The following DYNC2H1 variants were observed in gnomAD, a reference collection of about 807,000 sequenced individuals.
The protein encoded by DYNC2H1 is dynein cytoplasmic 2 heavy chain 1.
In DYNC2H1, 410 loss-of-function variants were observed where a neutral mutation model predicts 570.0. That is an observed-to-expected ratio of 0.72 (90% confidence interval 0.66 to 0.78). DYNC2H1 has a LOEUF of 0.78. DYNC2H1 is among the 30% of genes least tolerant of loss of function. DYNC2H1 has a pLI of 0.00. For synonymous variants in DYNC2H1, 1,688 were observed against 1,677.6 expected (o/e 1.01, Z -0.15); for missense variants, 4,865 against 5,046.4 (o/e 0.96, Z 1.09).
At chr11:103,173,992 T>A (rs1861686491) in intron 35 of DYNC2H1, 63 bp from the exon 36 acceptor site, 2 of 1,131,024 alleles carry the variant, frequency 1.8e-6, no homozygotes, top group Non-Finnish European at 2.6e-6. Flanking sequence ...TTTCTTTGGA[T>A]GTTATGATGA....
At chr11:103,304,803 C>A in intron 77 of DYNC2H1, 83 bp downstream of exon 77, 2 of 1,294,158 alleles carry the variant, frequency 1.5e-6, no homozygotes, top group Non-Finnish European at 2.0e-6. Context: ...AAATGTCATG[C>A]ATTATTTATG....
intron 85 of DYNC2H1, among the ~76,000 whole-genome samples, chr11:103,443,221 G>A (rs1329458138): frequency 6.6e-6 from 1 of 151,874 alleles, no homozygotes; most frequent in Non-Finnish European, 1.5e-5. Context: ...ATCAATCATA[G>A]CCTTCACCAC....
intron 54 of DYNC2H1, among the ~76,000 whole-genome samples, chr11:103,215,186 A>T (rs539827742): frequency 6.6e-6 from 1 of 152,040 alleles, no homozygotes; most frequent in Middle Eastern, 3.2e-3. Context: ...TTCTGGTACT[A>T]TGTTGAATAG....
At position 103,383,653 on chromosome 11, in the gene DYNC2H1, T is replaced by G. The variant is rs1038764605; in HGVS notation, c.12157-16010T>G. 1.8e-4 allele frequency among the ~76,000 whole-genome samples: 16 copies of G among 87,346 alleles called. No individual in the cohort carries two copies. In the East Asian group the frequency reaches 6.0e-3, roughly 33 times the overall value. The allele number at this position is 87,346 out of a possible 152,430, so 57.3% of individuals were successfully genotyped here. A position where few individuals can be genotyped will look rare whatever the true frequency, so the allele number is the denominator to read the frequency against. On this transcript the variant is annotated intron_variant, in intron 83 of 88. Coordinates refer to ENST00000375735, the MANE Select transcript of DYNC2H1 (RefSeq NM_001377.3). ...CACGCCCAGCTAATTTTTTTGTATT[T>G]TTAGTAGGGACGGGGTTTCACCATG...
Position 103,324,133 on chromosome 11 carries a change from A to G in DYNC2H1, c.12039+143A>G. On this transcript the variant is annotated intron_variant, in intron 82 of 88. Transcript: ENST00000375735. The surrounding 1 kb of genome is among the most constrained non-coding windows in gnomAD (Gnocchi z 5.2). ...ACAACACATTCCAGTTTTACTTTAA[A>G]TATATTTTTTAAAATATTTGATTTT... 1 of 421,002 alleles carries G rather than the reference A, an allele frequency of 2.4e-6. No individual in the cohort carries two copies. The allele number at this position is 421,002 out of a possible 1,614,324, so 26.1% of individuals were successfully genotyped here.
chr11:103,302,472 A>G (rs1867089955), intron 75 of DYNC2H1, among the ~76,000 whole-genome samples: 2 of 152,084 alleles, frequency 1.3e-5, no homozygotes, highest in African/African-American at 2.4e-5. Flanking sequence ...AATGATTTGC[A>G]TAGAGTCATT....
rs1178376324 is a variant in DYNC2H1 at position 103,190,740 on chromosome 11, C to T, written c.7438-777C>T. ...ATCAGAATAAGAGTAATGGCTCTGT[C>T]CATAGAGAGGAAGGGACAGGCATTT... On this transcript the variant is annotated intron_variant, in intron 45 of 88. Coordinates refer to ENST00000375735, the MANE Select transcript of DYNC2H1 (RefSeq NM_001377.3). 2.6e-5 allele frequency among the ~76,000 whole-genome samples: 4 copies of T among 151,828 alleles called. No homozygotes were observed. In the South Asian group the frequency reaches 8.3e-4, roughly 32 times the overall value.
At chr11:103,447,388 AC>A (rs1422176495) in intron 85 of DYNC2H1, among the ~76,000 whole-genome samples, 6 of 152,112 alleles carry the variant, frequency 3.9e-5, no homozygotes, top group African/African-American at 1.2e-4. Context: ...TAAAAAATCA[AC>A]CCAGTGGAAA....
chr11:103,340,729 G>A (rs11225731), intron 82 of DYNC2H1, among the ~76,000 whole-genome samples: 33,181 of 151,948 alleles, frequency 0.22, 3,765 homozygotes, highest in Admixed American at 0.31. Context: ...TTGTGAGGCC[G>A]TGTTTTAGTA....
At chr11:103,236,714 A>G (rs1864237895) in intron 63 of DYNC2H1, among the ~76,000 whole-genome samples, 175 bp downstream of exon 63, 1 of 151,958 alleles carries the variant, frequency 6.6e-6, no homozygotes, top group South Asian at 2.1e-4. Flanking sequence ...GACTTTCTGT[A>G]TAATTTATTT....
At chr11:103,344,471 C>G (rs1939637069) in intron 82 of DYNC2H1, among the ~76,000 whole-genome samples, 1 of 152,196 alleles carries the variant, frequency 6.6e-6, no homozygotes, top group African/African-American at 2.4e-5. Context: ...CACTTTGTTG[C>G]AGCCACACCT....
At position 103,472,431 on chromosome 11, in the gene DYNC2H1, G is replaced by T. The variant is rs1253139027; in HGVS notation, c.12765+3726G>T. 6.6e-6 allele frequency among the ~76,000 whole-genome samples: 1 copy of T among 152,130 alleles called. No homozygotes were observed. Among genetic ancestry groups the T allele is most frequent in the Non-Finnish European group, 1.5e-5 (1 of 68,012 alleles). On this transcript the variant is annotated intron_variant, in intron 88 of 88. Transcript: ENST00000375735. The surrounding 1 kb of genome is among the most constrained non-coding windows in gnomAD (Gnocchi z 4.1). Reference sequence around the variant, plus strand: ...ACAGGAGTATGGTAAGATCAGATTTGTAGTTTTAGAAAATCGGTCTAGCAG... The same window carrying T: ...ACAGGAGTATGGTAAGATCAGATTTTTAGTTTTAGAAAATCGGTCTAGCAG...
chr11:103,385,314 TTCTC>T (rs996746801), intron 83 of DYNC2H1, among the ~76,000 whole-genome samples: 1 of 152,230 alleles, frequency 6.6e-6, no homozygotes, highest in East Asian at 1.9e-4. Flanking sequence ...TGTTAGACCT[TTCTC>T]TCTCTGTTCA....
At chr11:103,149,212 C>T (rs1048247954) in intron 20 of DYNC2H1, among the ~76,000 whole-genome samples, 1 of 151,992 alleles carries the variant, frequency 6.6e-6, no homozygotes, top group African/African-American at 2.4e-5. Flanking sequence ...CATACTATTA[C>T]CTTTAGAGTT....
chr11:103,293,091 C>T (rs1426269494), intron 75 of DYNC2H1, among the ~76,000 whole-genome samples: 8 of 152,106 alleles, frequency 5.3e-5, no homozygotes, highest in African/African-American at 1.9e-4. Flanking sequence ...TGAAGAATTC[C>T]CTTTATAGTT....
chr11:103,415,186 A>C (rs1943238560), intron 84 of DYNC2H1, among the ~76,000 whole-genome samples: 1 of 152,210 alleles, frequency 6.6e-6, no homozygotes, highest in Non-Finnish European at 1.5e-5. Context: ...TAAAGACTTA[A>C]ATGTTAGACC....
In DYNC2H1 at chr11:103,243,749, A is replaced by G. The variant is rs1335883247; in HGVS notation, c.9876A>G (p.Lys3292=). The G allele has an allele frequency of 6.2e-7, 1 of 1,605,708 alleles. No individual in the cohort carries two copies. ...DPSSQATEWL[K]THLKDSRLEV... The stretch of plus-strand genomic sequence containing the variant: ...CTTCCCAAGCTACAGAGTGGTTAAA[A>G]ACACATTTGAAAGACTCACGTTTAG... The change falls in exon 64 of 89, where the codon AAA becomes AAG. Residue 3292 remains lysine (K), a synonymous_variant. Transcript: ENST00000375735. The surrounding 1 kb of genome is among the most constrained non-coding windows in gnomAD (Gnocchi z 4.8).
rs368565430 is a variant in DYNC2H1 at position 103,302,381 on chromosome 11, A to T, written c.11096-712A>T. 2.2e-4 allele frequency among the ~76,000 whole-genome samples: 33 copies of T among 152,196 alleles called. 1 individual carries two copies. Among genetic ancestry groups the T allele is most frequent in the East Asian group, 1.9e-3 (10 of 5,184 alleles). ...ATAAATAGAATTTGTTACAATTATT[A>T]TACTTATTTTGCTTCCAGAGTACCT... On this transcript the variant is annotated intron_variant, in intron 75 of 88. Coordinates refer to ENST00000375735, the MANE Select transcript of DYNC2H1 (RefSeq NM_001377.3).
chr11:103,212,170 C>T (rs1439785751), intron 54 of DYNC2H1, among the ~76,000 whole-genome samples: 2 of 151,900 alleles, frequency 1.3e-5, no homozygotes, highest in Non-Finnish European at 2.9e-5. Flanking sequence ...CGCTGGTTGG[C>T]ATTTATGGAT....
Sources: allele counts gnomAD v4.1 joint callset (sites outside exome capture counted in the v4.1 genomes callset), GRCh38; gene constraint gnomAD v4.1.1; non-coding constraint Gnocchi (gnomAD v3.1); transcripts MANE v1.5; gene names NCBI Gene and HGNC (gene_info 2026-07-23, HGNC 2026-07-21).